Variants in NEGR1 observed in about 807,000 individuals in gnomAD.
NEGR1 encodes neuronal growth regulator 1, also known as IgLON family member 4.
Under a neutral mutation model 40.9 loss-of-function variants are expected in NEGR1, and 10 were observed. The observed-to-expected ratio is 0.24, with a 90% CI of 0.15 to 0.42. The LOEUF (loss-of-function observed/expected upper bound fraction) is 0.42, where lower values mean the gene tolerates loss of function less well. Ranked by LOEUF, NEGR1 falls within the 10% of genes least tolerant of loss-of-function variation. The pLI is 1.00. For synonymous variants in NEGR1, 185 were observed against 166.8 expected (o/e 1.11, Z -0.84); for missense variants, 352 against 438.9 (o/e 0.80, Z 1.77).
intron 1 of NEGR1, chr1:72,274,758 T>C: frequency 1.7e-6 from 2 of 1,207,486 alleles, no homozygotes; most frequent in South Asian, 1.2e-5. Flanking sequence ...TTGCTTGCTG[T>C]AAGCAGTTCA....
chr1:71,743,054 A>G (rs1243093854), intron 3 of NEGR1, among the ~76,000 whole-genome samples: 1 of 152,188 alleles, frequency 6.6e-6, no homozygotes, highest in African/African-American at 2.4e-5. Flanking sequence ...GACGACATCC[A>G]TCTGCAACCC....
At chr1:71,898,679 G>C (rs1218544185) in intron 2 of NEGR1, among the ~76,000 whole-genome samples, 1 of 150,808 alleles carries the variant, frequency 6.6e-6, no homozygotes, top group African/African-American at 2.4e-5. Context: ...TTCATTTAAT[G>C]TTTAAATACA....
At chr1:71,606,473 T>G (rs1235997062) in intron 5 of NEGR1, among the ~76,000 whole-genome samples, 1 of 152,216 alleles carries the variant, frequency 6.6e-6, no homozygotes, top group South Asian at 2.1e-4. Flanking sequence ...CTGCTTGAGA[T>G]AGTTAGTGCT....
chr1:71,604,250 G>T (rs1650013154), intron 5 of NEGR1, among the ~76,000 whole-genome samples: 1 of 152,100 alleles, frequency 6.6e-6, no homozygotes, highest in African/African-American at 2.4e-5. Flanking sequence ...TGAACATTTT[G>T]CAAAGCCACC....
At chr1:72,012,954 A>C (rs2100404990) in intron 1 of NEGR1, among the ~76,000 whole-genome samples, 1 of 151,266 alleles carries the variant, frequency 6.6e-6, no homozygotes, top group South Asian at 2.1e-4. Context: ...AGGTTTGCTG[A>C]AAAACCAACT....
chr1:71,486,773 G>T (rs918909604), intron 6 of NEGR1: 3 of 151,484 alleles, frequency 2.0e-5, no homozygotes, highest in African/African-American at 7.3e-5. Flanking sequence ...ACTTAGCATG[G>T]TTCCTGGCAA....
At chr1:71,706,984 G>A (rs559726434) in intron 3 of NEGR1, among the ~76,000 whole-genome samples, 1 of 152,190 alleles carries the variant, frequency 6.6e-6, no homozygotes, top group South Asian at 2.1e-4. Flanking sequence ...TAAACTCAGT[G>A]CTGTCTTGTT....
intron 1 of NEGR1, among the ~76,000 whole-genome samples, chr1:72,255,551 T>TA (rs1191057633): frequency 7.2e-6 from 1 of 139,140 alleles, no homozygotes; most frequent in Non-Finnish European, 1.6e-5. Flanking sequence ...ATACTTCTTT[T>TA]TTTTTTTTTT....
At position 71,977,047 on chromosome 1, in the gene NEGR1, G is replaced by T. The variant is rs368536359; in HGVS notation, c.177-41736C>A. On this transcript the variant is annotated intron_variant, in intron 1 of 6. Coordinates refer to ENST00000357731, the MANE Select transcript of NEGR1 (RefSeq NM_173808.3). ...AAGGATAAAACTAGAAAGTGGCTGG[G>T]AGTGGTGGCTCATGGCTGTAATCTC... 4.7e-4 allele frequency among the ~76,000 whole-genome samples: 71 copies of T among 152,294 alleles called. 1 individual carries two copies. The East Asian group carries it at 0.013, about 27-fold the overall frequency.
At chr1:72,215,782 G>A (rs555108045) in intron 1 of NEGR1, among the ~76,000 whole-genome samples, 12 of 151,968 alleles carry the variant, frequency 7.9e-5, no homozygotes, top group East Asian at 5.8e-4. Flanking sequence ...TAGTTCAACC[G>A]TTGTAGAAGA....
At chr1:71,824,985 A>C (rs1658567226) in intron 2 of NEGR1, among the ~76,000 whole-genome samples, 1 of 151,774 alleles carries the variant, frequency 6.6e-6, no homozygotes, top group South Asian at 2.1e-4. Context: ...GTTTTTGTGG[A>C]TATGTTTTCA....
chr1:72,078,297 C>T (rs904118878), intron 1 of NEGR1, among the ~76,000 whole-genome samples: 1 of 152,074 alleles, frequency 6.6e-6, no homozygotes, highest in Non-Finnish European at 1.5e-5. Flanking sequence ...AGTGAGTTCA[C>T]CTTACTAAAA....
chr1:71,469,594 C>T (rs1646769077), intron 6 of NEGR1, among the ~76,000 whole-genome samples: 1 of 152,020 alleles, frequency 6.6e-6, no homozygotes, highest in Non-Finnish European at 1.5e-5. Flanking sequence ...TATATCATCT[C>T]AGACCCAGCT....
intron 2 of NEGR1, among the ~76,000 whole-genome samples, chr1:71,797,343 C>T (rs1359264960): frequency 6.6e-6 from 1 of 152,126 alleles, no homozygotes; most frequent in African/African-American, 2.4e-5. Flanking sequence ...ATTAAACATG[C>T]TGCTTGCTCA....
rs1007759057 is a variant in NEGR1, at chr1:71,396,072, C to T, written c.*11374G>A. The T allele has an allele frequency of 3.9e-5, 6 of 152,066 alleles. No homozygotes were observed. The highest frequency in any genetic ancestry group is 1.4e-4 in the African/African-American group (6 of 41,394). The allele number at this position is 152,066 out of a possible 1,614,324, so 9.4% of individuals were successfully genotyped here. A position where few individuals can be genotyped will look rare whatever the true frequency, so the allele number is the denominator to read the frequency against. ...ATCCAGGCAACAGGAAACACACATG[C>T]ACACACACACCGACACACACAAAAG... On this transcript the variant is annotated 3_prime_UTR_variant, in exon 7 of 7. Transcript: ENST00000357731.
At chr1:72,003,001 A>G (rs1206164215) in intron 1 of NEGR1, among the ~76,000 whole-genome samples, 1 of 152,204 alleles carries the variant, frequency 6.6e-6, no homozygotes, top group African/African-American at 2.4e-5. Flanking sequence ...TGACTCCAAC[A>G]TAGCACTTAA....
chr1:71,495,450 CT>C (rs1205890012), intron 6 of NEGR1, among the ~76,000 whole-genome samples: 1 of 150,374 alleles, frequency 6.7e-6, no homozygotes, highest in Non-Finnish European at 1.5e-5. Context: ...GCACTCCAGC[CT>C]GGGCAATAGA....
intron 5 of NEGR1, among the ~76,000 whole-genome samples, chr1:71,606,483 TTAC>T (rs1650080024): frequency 6.6e-6 from 1 of 152,218 alleles, no homozygotes; most frequent in African/African-American, 2.4e-5. Flanking sequence ...TAGTTAGTGC[TTAC>T]TGGTTTTAGT....
At chr1:71,489,528 A>C (rs180830126) in intron 6 of NEGR1, among the ~76,000 whole-genome samples, 68 of 152,044 alleles carry the variant, frequency 4.5e-4, no homozygotes, top group African/African-American at 1.5e-3. Context: ...TAAAAAAGAG[A>C]AAATGAAGCC....
Sources: allele counts gnomAD v4.1 joint callset (sites outside exome capture counted in the v4.1 genomes callset), GRCh38; gene constraint gnomAD v4.1.1; transcripts MANE v1.5; gene names NCBI Gene and HGNC (gene_info 2026-07-23, HGNC 2026-07-21).